Variants in TOX observed in about 807,000 individuals in gnomAD.
The protein encoded by TOX is thymocyte selection-associated high mobility group box protein TOX.
In TOX, 11 loss-of-function variants were observed where a neutral mutation model predicts 53.7. The observed-to-expected ratio is 0.20, with a 90% CI of 0.13 to 0.34. The LOEUF is 0.34. TOX is among the 10% of genes least tolerant of loss of function. The pLI, the probability that TOX is intolerant of heterozygous loss-of-function variation, is 1.00. For missense variants in TOX, 570 were observed against 664.6 expected (o/e 0.86, Z 1.56); for synonymous variants, 225 against 245.3 (o/e 0.92, Z 0.77).
intron 1 of TOX, among the ~76,000 whole-genome samples, chr8:59,086,281 G>A (rs924245700): frequency 9.9e-5 from 15 of 151,938 alleles, no homozygotes; most frequent in Non-Finnish European, 1.5e-4. Flanking sequence ...CACCATACCC[G>A]GACTAAAGCC....
At chr8:59,021,481 A>AAAAAAATATATATAT (rs59174995) in intron 1 of TOX, among the ~76,000 whole-genome samples, 5 of 64,738 alleles carry the variant, frequency 7.7e-5, no homozygotes, top group African/African-American at 1.6e-4. Context: ...AAAAAAAAAA[A>AAAAAAATATATATAT]ATATATATAT....
At chr8:59,101,552 A>G (rs1015833791) in intron 1 of TOX, among the ~76,000 whole-genome samples, 2 of 152,222 alleles carry the variant, frequency 1.3e-5, no homozygotes, top group African/African-American at 4.8e-5. Flanking sequence ...TCATTCTCCT[A>G]GACTGCTGTT....
chr8:59,079,235 A>C (rs1804352517), intron 1 of TOX, among the ~76,000 whole-genome samples: 1 of 152,186 alleles, frequency 6.6e-6, no homozygotes, highest in Admixed American at 6.5e-5. Context: ...TTTTTGGGAG[A>C]GGAATTAAAA....
intron 6 of TOX, among the ~76,000 whole-genome samples, chr8:58,818,252 T>C (rs1383055890): frequency 2.0e-5 from 3 of 152,342 alleles, no homozygotes; most frequent in South Asian, 2.1e-4. Context: ...TAGTAACTTT[T>C]AATCACTAGA....
chr8:59,077,049 G>C (rs1804304762), intron 1 of TOX, among the ~76,000 whole-genome samples: 1 of 152,206 alleles, frequency 6.6e-6, no homozygotes, highest in African/African-American at 2.4e-5. Context: ...GAAGGCAGCG[G>C]AGTGAACAAG....
At chr8:58,864,830 T>G (rs935368755) in intron 3 of TOX, among the ~76,000 whole-genome samples, 2 of 152,130 alleles carry the variant, frequency 1.3e-5, no homozygotes, top group African/African-American at 2.4e-5. Flanking sequence ...AATAACTCTC[T>G]GAGACAAAAT....
intron 1 of TOX, among the ~76,000 whole-genome samples, chr8:59,050,734 T>C (rs1803774786): frequency 6.6e-6 from 1 of 152,150 alleles, no homozygotes; most frequent in South Asian, 2.1e-4. Flanking sequence ...TTGGTGTGTG[T>C]GCTAAGTATT....
At position 58,815,536 on chromosome 8, in the gene TOX, G is replaced by T. The variant is rs756112914; in HGVS notation, c.1194C>A (p.Pro398=). The change falls in exon 7 of 9, where the codon CCC becomes CCA. Residue 398 remains proline (P), a synonymous_variant. Coordinates refer to ENST00000361421, the MANE Select transcript of TOX (RefSeq NM_014729.3). ...MHPSLPRNIA[P]KPNNQMPVTV... is the part of the protein sequence containing the mutation. Reference sequence around the variant, plus strand: ...TCACTGGCATTTGGTTATTCGGCTTGGGGGCTATGTTCCTGGGGAGACTAG... The same window carrying T: ...TCACTGGCATTTGGTTATTCGGCTTTGGGGCTATGTTCCTGGGGAGACTAG... 9.3e-6 allele frequency: 15 copies of T among 1,613,980 alleles called. No homozygotes were observed. The African/African-American group carries it at 2.0e-4, about 22-fold the overall frequency.
intron 3 of TOX, among the ~76,000 whole-genome samples, chr8:58,873,342 T>C (rs1811228146): frequency 6.6e-6 from 1 of 152,170 alleles, no homozygotes; most frequent in African/African-American, 2.4e-5. Flanking sequence ...GAATCCTCTT[T>C]CACATTGCCT....
chr8:59,079,449 T>C (rs944040494), intron 1 of TOX, among the ~76,000 whole-genome samples: 3 of 152,178 alleles, frequency 2.0e-5, no homozygotes, highest in Non-Finnish European at 4.4e-5. Flanking sequence ...CTTGGGACAC[T>C]GCTCTTCACA....
intron 5 of TOX, among the ~76,000 whole-genome samples, chr8:58,831,736 G>A (rs981211115): frequency 5.3e-5 from 8 of 152,138 alleles, no homozygotes; most frequent in African/African-American, 1.9e-4. Context: ...GAACATAGTA[G>A]GTGCTCATGA....
rs1400742749 is a variant in TOX at position 58,851,160 on chromosome 8, C to CTCTCTG, written c.693+363_693+364insCAGAGA. Among the ~76,000 whole-genome samples, 1 of 127,118 alleles carries CTCTCTG rather than the reference C, an allele frequency of 7.9e-6. No homozygotes were observed. Among genetic ancestry groups the CTCTCTG allele is most frequent in the South Asian group, 2.5e-4 (1 of 3,968 alleles). The allele number at this position is 127,118 out of a possible 152,430, so 83.4% of individuals were successfully genotyped here. ...CCATACATCTCCTCTCTCTCTCTGT[C>CTCTCTG]TCTCTCTCTCTCTCTCTCTCTCTCT... is the stretch of plus-strand genomic sequence containing the variant. On this transcript the variant is annotated intron_variant, in intron 4 of 8. Transcript: ENST00000361421. This position sits in a 1 kb window ranked among gnomAD's most constrained non-coding sequence, Gnocchi z 4.4.
intron 1 of TOX, among the ~76,000 whole-genome samples, chr8:59,114,484 G>C (rs1260113377): frequency 6.6e-6 from 1 of 152,108 alleles, no homozygotes; most frequent in Non-Finnish European, 1.5e-5. Context: ...TTCTTACATA[G>C]GCATTTATTT....
intron 1 of TOX, among the ~76,000 whole-genome samples, chr8:59,008,031 T>C (rs1385012566): frequency 6.6e-6 from 1 of 152,246 alleles, no homozygotes; most frequent in African/African-American, 2.4e-5. Context: ...GTCATGATAG[T>C]TTTGACATTC....
At chr8:58,867,341 G>T (rs1811119855) in intron 3 of TOX, among the ~76,000 whole-genome samples, 1 of 152,164 alleles carries the variant, frequency 6.6e-6, no homozygotes, top group Admixed American at 6.5e-5. Flanking sequence ...CTGGCCTTCA[G>T]CCCCAAACGC....
At chr8:58,946,746 C>T (rs897911313) in intron 2 of TOX, among the ~76,000 whole-genome samples, 1 of 152,048 alleles carries the variant, frequency 6.6e-6, no homozygotes. Flanking sequence ...GCAATGAGTG[C>T]CTCATTTGTT....
chr8:58,960,897 T>C (rs1812786925), intron 1 of TOX, among the ~76,000 whole-genome samples: 1 of 152,194 alleles, frequency 6.6e-6, no homozygotes, highest in Non-Finnish European at 1.5e-5. Flanking sequence ...AGAGGAAGAA[T>C]TTTTCCAAGG....
chr8:58,895,239 C>T (rs1187642600), intron 3 of TOX, among the ~76,000 whole-genome samples: 4 of 152,018 alleles, frequency 2.6e-5, no homozygotes, highest in Non-Finnish European at 5.9e-5. Flanking sequence ...TGGAGTCTTA[C>T]TAAATTCTAG....
chr8:58,927,298 G>A (rs923398678), intron 3 of TOX, among the ~76,000 whole-genome samples: 1 of 152,186 alleles, frequency 6.6e-6, no homozygotes, highest in Non-Finnish European at 1.5e-5. Flanking sequence ...TCACGGTGCC[G>A]AGTTCATCAG....
Sources: gnomAD v4.1 joint callset for allele counts (sites outside exome capture counted in the v4.1 genomes callset) on GRCh38, gnomAD v4.1.1 for gene constraint, Gnocchi (gnomAD v3.1) non-coding constraint, MANE v1.5 for transcripts, NCBI Gene and HGNC (gene_info 2026-07-23, HGNC 2026-07-21) for gene names.